SLIT3: variants seen among roughly 807,000 people sequenced by gnomAD.
The protein encoded by SLIT3 is slit homolog 3 protein.
Under a neutral mutation model 184.0 loss-of-function variants are expected in SLIT3, and 68 were observed. The ratio of observed to expected loss-of-function variants is 0.37; its 90% confidence interval spans 0.30 to 0.45. SLIT3 has a LOEUF of 0.45. Among genes scored for constraint, SLIT3 ranks in the 20% least tolerant of loss-of-function variants. The pLI is 1.00. For synonymous variants in SLIT3, 831 were observed against 828.6 expected, an observed-to-expected ratio of 1.00 and a Z score of -0.05; for missense variants, 1,707 against 2,026.0, an observed-to-expected ratio of 0.84 and a Z score of 3.02.
intron 4 of SLIT3, among the ~76,000 whole-genome samples, chr5:169,064,430 A>C (rs952156262): frequency 1.3e-5 from 2 of 152,186 alleles, no homozygotes; most frequent in Admixed American, 6.5e-5. Flanking sequence ...ATTTTTAGAT[A>C]TGATCTTATT....
rs1762661521 is a variant in SLIT3 at position 168,951,905 on chromosome 5, G to A, written c.414-68569C>T. Among the ~76,000 whole-genome samples, 6 of 152,274 alleles carry A rather than the reference G, an allele frequency of 3.9e-5. No individual in the cohort carries two copies. The South Asian group carries it at 1.2e-3, about 32-fold the overall frequency. ...TTTGATGCACAGGGCTGTTAGGGATGTAAGAAATATATGGTGCCACCCCAG... is the reference window on the plus strand; with the variant it reads ...TTTGATGCACAGGGCTGTTAGGGATATAAGAAATATATGGTGCCACCCCAG... On this transcript the variant is annotated intron_variant, in intron 4 of 35. Coordinates refer to ENST00000519560, the MANE Select transcript of SLIT3 (RefSeq NM_003062.4).
At chr5:168,860,775 A>G (rs1759074046) in intron 5 of SLIT3, among the ~76,000 whole-genome samples, 2 of 152,190 alleles carry the variant, frequency 1.3e-5, no homozygotes, top group South Asian at 4.1e-4. Context: ...CATATGAATT[A>G]TTCAAACTAG....
intron 7 of SLIT3, among the ~76,000 whole-genome samples, chr5:168,818,200 TG>T (rs1757402914): frequency 6.6e-6 from 1 of 152,190 alleles, no homozygotes; most frequent in Non-Finnish European, 1.5e-5. Context: ...TTTGCTATTC[TG>T]ACTGATTCAG....
intron 4 of SLIT3, among the ~76,000 whole-genome samples, chr5:169,133,507 C>A (rs17555787): frequency 0.13 from 20,170 of 152,162 alleles, 1,454 homozygotes; most frequent in South Asian, 0.27. Context: ...AGTCACTGAG[C>A]GACATGCTGA....
chr5:169,029,735 T>C (rs1378275432), intron 4 of SLIT3, among the ~76,000 whole-genome samples: 3 of 152,150 alleles, frequency 2.0e-5, no homozygotes, highest in African/African-American at 7.2e-5. Flanking sequence ...CAATGACACA[T>C]TCATTTTAGC....
At chr5:168,957,710 C>CT in intron 4 of SLIT3, among the ~76,000 whole-genome samples, 1 of 152,328 alleles carries the variant, frequency 6.6e-6, no homozygotes, top group South Asian at 2.1e-4. Flanking sequence ...TGACAGGGTC[C>CT]TGGGTGTGTG....
At chr5:168,936,295 T>G (rs1811372) in intron 4 of SLIT3, among the ~76,000 whole-genome samples, 3 of 151,962 alleles carry the variant, frequency 2.0e-5, no homozygotes, top group Non-Finnish European at 4.4e-5. Flanking sequence ...AGTTCAGTGG[T>G]GCAATCTCGG....
intron 8 of SLIT3, among the ~76,000 whole-genome samples, chr5:168,807,195 C>T (rs1320685930): frequency 6.6e-6 from 1 of 152,160 alleles, no homozygotes; most frequent in Non-Finnish European, 1.5e-5. Flanking sequence ...TTGAAGCCAG[C>T]TGTTAATTTT....
chr5:169,116,113 T>C (rs1581425400), intron 4 of SLIT3, among the ~76,000 whole-genome samples: 1 of 152,136 alleles, frequency 6.6e-6, no homozygotes, highest in Non-Finnish European at 1.5e-5. Flanking sequence ...GATGAGGATA[T>C]GGAGAGATAA....
intron 9 of SLIT3, among the ~76,000 whole-genome samples, chr5:168,802,175 T>C (rs1756789729): frequency 6.6e-6 from 1 of 151,520 alleles, no homozygotes; most frequent in South Asian, 2.1e-4. Flanking sequence ...CATTTGGATG[T>C]CTTTGGAATG....
intron 6 of SLIT3, among the ~76,000 whole-genome samples, chr5:168,833,627 G>C (rs769960118): frequency 9.5e-4 from 145 of 152,232 alleles, no homozygotes; most frequent in Non-Finnish European, 1.6e-3. Flanking sequence ...CAAAATGCTA[G>C]AGATTAAAAG....
intron 4 of SLIT3, among the ~76,000 whole-genome samples, chr5:169,181,528 T>C (rs552595018): frequency 3.3e-5 from 5 of 152,068 alleles, no homozygotes; most frequent in African/African-American, 1.2e-4. Flanking sequence ...GATCACGAGG[T>C]CAAGAGATCG....
intron 4 of SLIT3, among the ~76,000 whole-genome samples, chr5:168,999,898 C>T (rs148451329): frequency 4.4e-4 from 67 of 152,260 alleles, no homozygotes; most frequent in East Asian, 2.9e-3. Flanking sequence ...CTCTTGAGCT[C>T]GATGGCCTTG....
Position 169,115,157 on chromosome 5 carries a change from G to A in SLIT3, c.413+78322C>T, listed in dbSNP as rs546863266. ...TCCTTCTAAGCAAGGAATACAAATC[G>A]TTCTCCAAAATCCCAAAACTTTCTC... On this transcript the variant is annotated intron_variant, in intron 4 of 35. Transcript: ENST00000519560. Among the ~76,000 whole-genome samples the A allele has an allele frequency of 1.6e-4, 25 of 152,226 alleles. 1 individual carries two copies. Among genetic ancestry groups the A allele is most frequent in the South Asian group, 1.0e-3 (5 of 4,808 alleles).
chr5:168,853,304 A>G (rs1316616705), intron 5 of SLIT3, among the ~76,000 whole-genome samples: 1 of 152,216 alleles, frequency 6.6e-6, no homozygotes, highest in African/African-American at 2.4e-5. Flanking sequence ...CATATTCACA[A>G]TTCCCATAGT....
At chr5:169,006,605 T>TCACACACA (rs372485234) in intron 4 of SLIT3, among the ~76,000 whole-genome samples, 168 of 145,878 alleles carry the variant, frequency 1.2e-3, no homozygotes, top group African/African-American at 3.8e-3. Context: ...TCTCTCTCTC[T>TCACACACA]CACACACACA....
At position 168,827,117 on chromosome 5, in the gene SLIT3, A is replaced by G. The variant is rs555557133; in HGVS notation, c.558-3786T>C. Among the ~76,000 whole-genome samples the G allele has an allele frequency of 1.4e-3, 218 of 152,266 alleles. 3 individuals are homozygous for G. The highest frequency in any genetic ancestry group is 1.5e-3 in the Non-Finnish European group (103 of 68,026). Reference sequence around the variant, plus strand: ...ATCCCACGAGGCAGGGACTTTTAATATCACCTCCATTTCATGATTGAAGCA... The same window carrying G: ...ATCCCACGAGGCAGGGACTTTTAATGTCACCTCCATTTCATGATTGAAGCA... On this transcript the variant is annotated intron_variant, in intron 6 of 35. Transcript: ENST00000519560.
intron 1 of SLIT3, among the ~76,000 whole-genome samples, chr5:169,275,075 C>A (rs1248799749): frequency 6.6e-6 from 1 of 152,190 alleles, no homozygotes; most frequent in African/African-American, 2.4e-5. Context: ...TTCAAGCCAA[C>A]AAATGTCAGT....
At chr5:168,679,455 T>G (rs1470687882) in intron 32 of SLIT3, among the ~76,000 whole-genome samples, 1 of 152,130 alleles carries the variant, frequency 6.6e-6, no homozygotes, top group Non-Finnish European at 1.5e-5. Context: ...TTGCATTCTC[T>G]TATTTAATCC....
Sources: allele counts gnomAD v4.1 joint callset (sites outside exome capture counted in the v4.1 genomes callset), GRCh38; gene constraint gnomAD v4.1.1; transcripts MANE v1.5; gene names NCBI Gene and HGNC (gene_info 2026-07-23, HGNC 2026-07-21).